PCDHGA8: variants seen among roughly 807,000 people sequenced by gnomAD.
PCDHGA8 encodes protocadherin gamma subfamily A, 8, also known as protocadherin gamma-A8.
A neutral mutation model predicts 59.2 loss-of-function variants in PCDHGA8; 45 were observed. The observed-to-expected ratio is 0.76, with a 90% CI of 0.60 to 0.98. The LOEUF is 0.98. Among genes scored for constraint, PCDHGA8 ranks in the 50% least tolerant of loss-of-function variants. PCDHGA8 has a pLI of 0.00. For missense variants in PCDHGA8, 1,257 were observed against 1,196.2 expected, an observed-to-expected ratio of 1.05 and a Z score of -0.75; for synonymous variants, 531 against 519.0, an observed-to-expected ratio of 1.02 and a Z score of -0.32.
At chr5:141,407,429 C>T (rs2094929018) in intron 1 of PCDHGA8, among the ~76,000 whole-genome samples, 1 of 151,532 alleles carries the variant, frequency 6.6e-6, no homozygotes, top group Admixed American at 6.6e-5. Flanking sequence ...ATGTCTCTTG[C>T]CCTTAAAACC....
At chr5:141,410,561 G>A (rs201832666) in intron 1 of PCDHGA8, 1 of 1,612,698 alleles carries the variant, frequency 6.2e-7, no homozygotes, top group Non-Finnish European at 8.5e-7. Flanking sequence ...TTCTCCTGGA[G>A]CCTTAATTCC....
chr5:141,463,438 C>CTTTTTTTT (rs71576115), intron 1 of PCDHGA8, among the ~76,000 whole-genome samples: 3 of 103,252 alleles, frequency 2.9e-5, no homozygotes, highest in African/African-American at 8.9e-5. Context: ...TTTCCTTCTC[C>CTTTTTTTT]TTTTTTTTTT....
rs752708726 is a variant in PCDHGA8 at position 141,413,991 on chromosome 5, C to T, written c.2424+18754C>T. 1.9e-6 allele frequency: 3 copies of T among 1,613,494 alleles called. No homozygotes were observed. The East Asian group carries it at 6.7e-5, about 36-fold the overall frequency. ...AGCTGCTGACAGTCACAGCCACCGA[C>T]AGGGACGAAGGTGCCAATGGAGAAG... On this transcript the variant is annotated intron_variant, in intron 1 of 3. Coordinates refer to ENST00000398604, the MANE Select transcript of PCDHGA8 (RefSeq NM_032088.2).
At chr5:141,420,214 C>G (rs1356792048) in intron 1 of PCDHGA8, 1 of 1,611,064 alleles carries the variant, frequency 6.2e-7, no homozygotes, top group Admixed American at 1.7e-5. Context: ...ACAAAGATAG[C>G]ATGCTACTGG....
Position 141,485,286 on chromosome 5 carries a change from AG to A in PCDHGA8, c.2425-9520del. On this transcript the variant is annotated intron_variant, in intron 1 of 3. Coordinates refer to ENST00000398604, the MANE Select transcript of PCDHGA8 (RefSeq NM_032088.2). This position sits in a 1 kb window ranked among gnomAD's most constrained non-coding sequence, Gnocchi z 5.7. ...CAGATCCGCTACCCGGTCCCAGAGG[AG>A]TCACAGGAAGGGACTTTTGTAGGGA... The A allele has an allele frequency of 6.2e-7, 1 of 1,614,044 alleles. No homozygotes were observed. Among genetic ancestry groups the A allele is most frequent in the Non-Finnish European group, 8.5e-7 (1 of 1,179,928 alleles).
intron 1 of PCDHGA8, chr5:141,478,134 C>A (rs2099431418): frequency 6.2e-7 from 1 of 1,614,074 alleles, no homozygotes; most frequent in African/African-American, 1.3e-5. Flanking sequence ...TCTCCTGAAG[C>A]CCGAGCCGAG....
Position 141,491,013 on chromosome 5 carries a change from G to C in PCDHGA8, c.2425-3794G>C. ...CTCCTCCTGGCTCCTTGGTCACCAA[G>C]GTGACAGCCGTGGATGCTGATGCAG... On this transcript the variant is annotated intron_variant, in intron 1 of 3. Transcript: ENST00000398604. The surrounding 1 kb of genome is among the most constrained non-coding windows in gnomAD (Gnocchi z 6.9). 6.2e-7 allele frequency: 1 copy of C among 1,614,144 alleles called. No homozygotes were observed. Among genetic ancestry groups the C allele is most frequent in the Non-Finnish European group, 8.5e-7 (1 of 1,180,040 alleles).
At chr5:141,494,676 CT>C (rs2099756021) in intron 1 of PCDHGA8, 130 bp from the exon 2 acceptor site, 6 of 1,550,918 alleles carry the variant, frequency 3.9e-6, no homozygotes, top group Non-Finnish European at 4.4e-6. Context: ...GAGTCCACCC[CT>C]GCCCCCTCTT....
Position 141,510,362 on chromosome 5 carries a change from C to T in PCDHGA8, c.2573-585C>T, listed in dbSNP as rs74321279. Among the ~76,000 whole-genome samples the T allele has an allele frequency of 2.0e-4, 29 of 142,136 alleles. No homozygotes were observed. In the East Asian group the frequency reaches 5.7e-3, roughly 28 times the overall value. The allele number at this position is 142,136 out of a possible 152,430, so 93.2% of individuals were successfully genotyped here. A position where few individuals can be genotyped will look rare whatever the true frequency, so the allele number is the denominator to read the frequency against. On this transcript the variant is annotated intron_variant, in intron 3 of 3. Coordinates refer to ENST00000398604, the MANE Select transcript of PCDHGA8 (RefSeq NM_032088.2). ...CCCACACACTTACTAACGGAACTAC[C>T]GAATCTCTACTCGTGCCAGGCCTTG... is the stretch of plus-strand genomic sequence containing the variant.
intron 1 of PCDHGA8, among the ~76,000 whole-genome samples, chr5:141,481,863 G>A (rs182704348): frequency 8.8e-4 from 130 of 147,602 alleles, no homozygotes; most frequent in African/African-American, 3.3e-3. Flanking sequence ...GCAGTGAGCC[G>A]AGATCGCGCC....
At chr5:141,423,994 A>G (rs2096794168) in intron 1 of PCDHGA8, 17 of 1,081,216 alleles carry the variant, frequency 1.6e-5, no homozygotes, top group Non-Finnish European at 1.8e-5. Flanking sequence ...TCAATTTATT[A>G]TATATAGATA....
At chr5:141,423,701 G>A in intron 1 of PCDHGA8, 1 of 1,312,668 alleles carries the variant, frequency 7.6e-7, no homozygotes, top group Non-Finnish European at 9.9e-7. Flanking sequence ...TGGTGTCTTG[G>A]CACAAGTCTT....
intron 1 of PCDHGA8, among the ~76,000 whole-genome samples, chr5:141,445,720 G>T (rs2098475440): frequency 6.6e-6 from 1 of 152,158 alleles, no homozygotes; most frequent in Non-Finnish European, 1.5e-5. Flanking sequence ...AGAGGAAATA[G>T]CATGTGTAAA....
chr5:141,506,380 T>C (rs1209879935), intron 3 of PCDHGA8, among the ~76,000 whole-genome samples: 1 of 141,314 alleles, frequency 7.1e-6, no homozygotes, highest in Non-Finnish European at 1.5e-5. Flanking sequence ...ACCTGGGAGG[T>C]GGCTGTGGTG....
intron 1 of PCDHGA8, chr5:141,403,711 G>A: frequency 6.2e-7 from 1 of 1,613,930 alleles, no homozygotes; most frequent in South Asian, 1.1e-5. Context: ...AAGTCCTTGA[G>A]AACGTGCCCC....
In PCDHGA8 at chr5:141,430,673, C is replaced by T. The variant is rs183365013; in HGVS notation, c.2424+35436C>T. 1.5e-4 allele frequency: 198 copies of T among 1,288,318 alleles called. 2 individuals are homozygous for T. In the African/African-American group the frequency reaches 2.8e-3, roughly 18 times the overall value. The allele number at this position is 1,288,318 out of a possible 1,614,324, so 79.8% of individuals were successfully genotyped here. On this transcript the variant is annotated intron_variant, in intron 1 of 3. Coordinates refer to ENST00000398604, the MANE Select transcript of PCDHGA8 (RefSeq NM_032088.2). Reference sequence around the variant, plus strand: ...AAACAACGGAGGAGCTCTGACTTCCCAACTGTCCCATTCTATGGGCGAAGG... The same window carrying T: ...AAACAACGGAGGAGCTCTGACTTCCTAACTGTCCCATTCTATGGGCGAAGG...
Position 141,394,739 on chromosome 5 carries a change from C to G in PCDHGA8, c.1926C>G (p.Leu642=), listed in dbSNP as rs377359689. ...LLDRDALKQS[L]VVAVQDHGQP... ...ACAGAGATGCGCTCAAGCAGAGCCT[C>G]GTGGTGGCCGTCCAGGACCATGGCC... The change falls in exon 1 of 4, where the codon CTC becomes CTG. Residue 642 remains leucine, a synonymous_variant. Transcript: ENST00000398604. The G allele has an allele frequency of 6.2e-7, 1 of 1,613,390 alleles. No individual in the cohort carries two copies. Among genetic ancestry groups the G allele is most frequent in the Non-Finnish European group, 8.5e-7 (1 of 1,179,970 alleles).
intron 1 of PCDHGA8, among the ~76,000 whole-genome samples, chr5:141,469,403 C>T (rs902543178): frequency 4.6e-5 from 7 of 152,060 alleles, no homozygotes; most frequent in South Asian, 2.1e-4. Context: ...GGTGAAACCC[C>T]GTTTCTACTA....
At chr5:141,420,432 T>C in intron 1 of PCDHGA8, 2 of 1,149,120 alleles carry the variant, frequency 1.7e-6, no homozygotes, top group Non-Finnish European at 2.3e-6. Flanking sequence ...AAAGTTTAAA[T>C]TAAATGCCTC....
Sources: gnomAD v4.1 joint callset for allele counts (sites outside exome capture counted in the v4.1 genomes callset) on GRCh38, gnomAD v4.1.1 for gene constraint, Gnocchi (gnomAD v3.1) non-coding constraint, MANE v1.5 for transcripts, NCBI Gene and HGNC (gene_info 2026-07-23, HGNC 2026-07-21) for gene names.